Variants in C15orf39 observed in about 807,000 individuals in gnomAD.
C15orf39 encodes the protein PRMT2 interacting protein.
Under a neutral mutation model 53.9 loss-of-function variants are expected in C15orf39, and 24 were observed. The observed-to-expected ratio is 0.45, with a 90% CI of 0.32 to 0.63. C15orf39 has a LOEUF of 0.63. C15orf39 is among the 20% of genes least tolerant of loss of function. The pLI is 0.04. For synonymous variants in C15orf39, 569 were observed against 576.5 expected (o/e 0.99, Z 0.19); for missense variants, 1,271 against 1,347.9 (o/e 0.94, Z 0.89).
In C15orf39 at chr15:75,208,394, C is replaced by T. The variant is rs373873430; in HGVS notation, c.2346C>T (p.Val782=). 143 of 1,603,586 alleles carry T rather than the reference C, an allele frequency of 8.9e-5. 1 individual carries two copies. In the South Asian group the frequency reaches 1.3e-3, roughly 14 times the overall value. ...ASLCDAISGS[V]AHSPPEKLRE... ...TGTGTGATGCTATTTCTGGCTCCGT[C>T]GCCCACTCTCCTCCAGAGAAGCTTC... The change falls in exon 2 of 3, where the codon GTC becomes GTT. Residue 782 remains valine (V), a synonymous_variant. Transcript: ENST00000394987.
At chr15:75,199,375 G>C (rs1018883130), upstream of C15orf39, among the ~76,000 whole-genome samples, 1 of 152,184 alleles carries the variant, frequency 6.6e-6, no homozygotes, top group African/African-American at 2.4e-5. Context: ...GGCCTCTCAG[G>C]AGGAGGCAGT....
Position 75,208,802 on chromosome 15 carries a change from C to G in C15orf39, c.2754C>G (p.Arg918=). 1 of 1,603,156 alleles carries G rather than the reference C, an allele frequency of 6.2e-7. No individual in the cohort carries two copies. Among genetic ancestry groups the G allele is most frequent in the Non-Finnish European group, 8.5e-7 (1 of 1,177,324 alleles). ...IYPDLLGLQW[R]DCVRRQLGDF... The stretch of plus-strand genomic sequence containing the variant: ...CCGACCTTCTCGGCCTGCAGTGGCG[C>G]GACTGTGTACGCCGCCAGCTGGGTG... The change falls in exon 2 of 3, where the codon CGC becomes CGG. Residue 918 remains arginine (R), a synonymous_variant. Coordinates refer to ENST00000394987, the MANE Select transcript of C15orf39 (RefSeq NM_015492.5).
In C15orf39 at chr15:75,208,643, G is replaced by T; in HGVS notation, c.2595G>T (p.Val865=). ...PRLPPASVDH[V]LQEHRVELRP... is the part of the protein sequence containing the mutation. ...TGCCACCCGCTTCTGTGGACCATGT[G>T]CTGCAGGAGCATCGTGTGGAGCTGC... Residue 865 remains valine, a synonymous_variant, in exon 2 of 3, where the codon GTG becomes GTT. Coordinates refer to ENST00000394987, the MANE Select transcript of C15orf39 (RefSeq NM_015492.5). 6.2e-7 allele frequency: 1 copy of T among 1,603,580 alleles called. No individual in the cohort carries two copies.
chr15:75,207,348 C>A lies in C15orf39; in HGVS notation c.1300C>A (p.Gln434Lys). ...QPCSEPVRPA[Q>K]EAEEKTWLPS... ...CTGCTCAGAGCCTGTGAGGCCTGCA[C>A]AGGAAGCCGAAGAGAAGACCTGGCT... is the stretch of plus-strand genomic sequence containing the variant. The change falls in exon 2 of 3, where the codon CAG (glutamine) becomes AAG (lysine). Residue 434 changes from glutamine to lysine, a missense_variant. Physicochemically the swap from Gln to Lys is moderately conservative, Grantham distance 53. This residue lies in a region of C15orf39 where 994 missense variants were observed against 993.7 expected (regional missense o/e 1.00). Transcript: ENST00000394987. The A allele has an allele frequency of 6.2e-7, 1 of 1,613,430 alleles. No individual in the cohort carries two copies. The highest frequency in any genetic ancestry group is 2.2e-5 in the East Asian group (1 of 44,872).
At position 75,206,220 on chromosome 15, in the gene C15orf39, G is replaced by A. The variant is rs1323369994; in HGVS notation, c.172G>A (p.Ala58Thr). Reference protein sequence around the residue: ...FSCPMAGTPKAESEQLASWTP... With the variant: ...FSCPMAGTPKTESEQLASWTP... ...CTGCCCCATGGCAGGTACTCCTAAG[G>A]CCGAGTCTGAGCAGTTGGCGTCCTG... Residue 58 changes from alanine to threonine, a missense_variant, in exon 2 of 3, where the codon GCC becomes ACC. Coordinates refer to ENST00000394987, the MANE Select transcript of C15orf39 (RefSeq NM_015492.5). 2 of 1,614,086 alleles carry A rather than the reference G, an allele frequency of 1.2e-6. No homozygotes were observed. Among genetic ancestry groups the A allele is most frequent in the East Asian group, 4.5e-5 (2 of 44,888 alleles).
chr15:75,206,705 C>G lies in C15orf39; in HGVS notation c.657C>G (p.Thr219=). ...PCQPFLEKYQ[T]IHSTGFLASR... ...AGCCCTTCCTGGAGAAATATCAGAC[C>G]ATCCACAGCACGGGCTTCCTGGCCT... The change falls in exon 2 of 3, where the codon ACC becomes ACG. Residue 219 remains threonine (T), a synonymous_variant. Coordinates refer to ENST00000394987, the MANE Select transcript of C15orf39 (RefSeq NM_015492.5). The G allele has an allele frequency of 6.2e-7, 1 of 1,613,802 alleles. No homozygotes were observed. The highest frequency in any genetic ancestry group is 8.5e-7 in the Non-Finnish European group (1 of 1,179,966).
At chr15:75,199,203 T>C (rs1274400558), upstream of C15orf39, 1 of 152,232 alleles carries the variant, frequency 6.6e-6, no homozygotes, top group African/African-American at 2.4e-5. Flanking sequence ...TTCAAACTCC[T>C]GCTTCACATG....
rs761152144 is a variant in C15orf39, at chr15:75,207,356, C to G, written c.1308C>G (p.Ala436=). 1 of 1,613,412 alleles carries G rather than the reference C, an allele frequency of 6.2e-7. No homozygotes were observed. The highest frequency in any genetic ancestry group is 8.5e-7 in the Non-Finnish European group (1 of 1,180,022). ...AGCCTGTGAGGCCTGCACAGGAAGC[C>G]GAAGAGAAGACCTGGCTGCCCAGCT... ...CSEPVRPAQE[A]EEKTWLPSCR... is the part of the protein sequence containing the mutation. The change falls in exon 2 of 3, where the codon GCC becomes GCG. Residue 436 remains alanine, a synonymous_variant. Transcript: ENST00000394987.
At position 75,207,089 on chromosome 15, in the gene C15orf39, T is replaced by C. The variant is rs1254853820; in HGVS notation, c.1041T>C (p.Ser347=). The change falls in exon 2 of 3, where the codon TCT becomes TCC. Residue 347 remains serine, a synonymous_variant. Transcript: ENST00000394987. ...GGCTGGACGCTTACCCCTACCCCTC[T>C]GCCCCTCTCCCAGCACCCTCTCCAG... ...PLGLDAYPYP[S]APLPAPSPGL... is the part of the protein sequence containing the mutation. 1 of 1,612,848 alleles carries C rather than the reference T, an allele frequency of 6.2e-7. No individual in the cohort carries two copies. The highest frequency in any genetic ancestry group is 8.5e-7 in the Non-Finnish European group (1 of 1,179,702).
In C15orf39 at chr15:75,208,187, C is replaced by T. The variant is rs1478648058; in HGVS notation, c.2139C>T (p.Ala713=). 9.3e-6 allele frequency: 15 copies of T among 1,613,828 alleles called. No homozygotes were observed. Among genetic ancestry groups the T allele is most frequent in the Middle Eastern group, 1.6e-4 (1 of 6,084 alleles). Residue 713 remains alanine, a synonymous_variant, in exon 2 of 3, where the codon GCC becomes GCT. Transcript: ENST00000394987. ...CFSLALPSPP[A]VAVASPAPAP... is the part of the protein sequence containing the mutation. ...GCCTGGCACTGCCCAGCCCTCCAGC[C>T]GTAGCTGTGGCCTCCCCTGCCCCTG...
rs1451481316 is a variant in C15orf39, at chr15:75,208,111, C to T, written c.2063C>T (p.Pro688Leu). Residue 688 changes from proline to leucine, a missense_variant, in exon 2 of 3, where the codon CCC becomes CTC. Physicochemically the swap from Pro to Leu is moderately conservative, Grantham distance 98 (BLOSUM62 -3). This residue lies in a region of C15orf39 where 994 missense variants were observed against 993.7 expected (regional missense o/e 1.00). Transcript: ENST00000394987. ...CCTGCACCCACCCCCACATCTGGGC[C>T]CATTGGACTGCGGATTCTCGCTCAA... ...TQPAPTPTSG[P>L]IGLRILAQQP... 7 of 1,614,008 alleles carry T rather than the reference C, an allele frequency of 4.3e-6. No homozygotes were observed. The highest frequency in any genetic ancestry group is 1.3e-5 in the African/African-American group (1 of 74,914).
Position 75,207,462 on chromosome 15 carries a change from A to AC in C15orf39, c.1421dup (p.Ala475SerfsTer30), listed in dbSNP as rs768620637. The AC allele has an allele frequency of 9.9e-6, 16 of 1,611,726 alleles. No homozygotes were observed. Among genetic ancestry groups the AC allele is most frequent in the African/African-American group, 1.3e-5 (1 of 74,258 alleles). ...CATCCGAGACAGTCCAGTTCCCTGTACCCCCCCAGCACTGCCCCCCTGTGC... is the reference window on the plus strand; with the variant it reads ...CATCCGAGACAGTCCAGTTCCCTGTACCCCCCCCAGCACTGCCCCCCTGTGC... On this transcript the variant is annotated frameshift_variant, in exon 2 of 3. Coordinates refer to ENST00000394987, the MANE Select transcript of C15orf39 (RefSeq NM_015492.5). LOFTEE classifies it high-confidence loss of function.
chr15:75,209,740 A>G (rs2070470302), intron 2 of C15orf39: 1 of 151,872 alleles, frequency 6.6e-6, no homozygotes, highest in Non-Finnish European at 1.5e-5. Flanking sequence ...ACCCTCTCCC[A>G]TTTCCACTGC....
At chr15:75,199,445 G>C (rs1400793412), upstream of C15orf39, among the ~76,000 whole-genome samples, 2 of 152,190 alleles carry the variant, frequency 1.3e-5, no homozygotes, top group Non-Finnish European at 2.9e-5. Context: ...AGGGAAAGGT[G>C]CCATACTTCT....
intron 1 of C15orf39, among the ~76,000 whole-genome samples, chr15:75,205,665 T>C (rs954687029): frequency 6.6e-6 from 1 of 151,902 alleles, no homozygotes; most frequent in Admixed American, 6.6e-5. Context: ...CTACATAAAA[T>C]ACTAAAATGA....
intron 1 of C15orf39, among the ~76,000 whole-genome samples, chr15:75,205,144 C>T (rs1252268198): frequency 2.6e-5 from 4 of 152,208 alleles, no homozygotes; most frequent in African/African-American, 4.8e-5. Context: ...TTGACAAGAT[C>T]AGCAGGTCAG....
rs2070477784 is a variant in C15orf39 at position 75,210,819 on chromosome 15, C to T, written c.2847C>T (p.Ser949=). 6.2e-7 allele frequency: 1 copy of T among 1,613,760 alleles called. No individual in the cohort carries two copies. The highest frequency in any genetic ancestry group is 1.3e-5 in the African/African-American group (1 of 74,910). ...EPTVARGEPE[S]LALAQKSPAP... is the part of the protein sequence containing the mutation. ...CTGTGGCCAGAGGTGAGCCAGAGAGCCTAGCCCTGGCTCAGAAGTCACCGG... is the reference window on the plus strand; with the variant it reads ...CTGTGGCCAGAGGTGAGCCAGAGAGTCTAGCCCTGGCTCAGAAGTCACCGG... Residue 949 remains serine, a synonymous_variant, in exon 3 of 3, where the codon AGC becomes AGT. Coordinates refer to ENST00000394987, the MANE Select transcript of C15orf39 (RefSeq NM_015492.5).
chr15:75,208,467 G>T lies in C15orf39; in HGVS notation c.2419G>T (p.Asp807Tyr). 1 of 1,601,104 alleles carries T rather than the reference G, an allele frequency of 6.2e-7. No homozygotes were observed. Residue 807 changes from aspartate (D) to tyrosine (Y), a missense_variant, in exon 2 of 3, where the codon GAC becomes TAC. Around this residue, in one of 2 missense-constraint regions of C15orf39, gnomAD observed 277 missense variants for 354.1 expected, o/e 0.78. Transcript: ENST00000394987. ...AGPWGQAAWQ[D>Y]CQGVQGLLAK... ...GCCCTGGGGCCAGGCTGCGTGGCAG[G>T]ACTGCCAGGGTGTGCAGGGGCTGCT...
At chr15:75,200,359 G>A (rs1233827755), upstream of C15orf39, among the ~76,000 whole-genome samples, 1 of 152,162 alleles carries the variant, frequency 6.6e-6, no homozygotes, top group Non-Finnish European at 1.5e-5. Flanking sequence ...GGCCTGGTTG[G>A]GTCCCATTCC....
Sources: allele counts gnomAD v4.1 joint callset (sites outside exome capture counted in the v4.1 genomes callset), GRCh38; gene constraint gnomAD v4.1.1; regional missense constraint gnomAD v4.1.1; transcripts MANE v1.5; gene names NCBI Gene and HGNC (gene_info 2026-07-23, HGNC 2026-07-21).